Variants in BBOX1 observed in about 807,000 individuals in gnomAD.
The protein encoded by BBOX1 is gamma-butyrobetaine hydroxylase 1.
BBOX1 carries 35 observed loss-of-function variants against 41.6 expected under a neutral mutation model. The ratio of observed to expected loss-of-function variants is 0.84; its 90% CI spans 0.64 to 1.11. The LOEUF is 1.11. Among genes scored for constraint, BBOX1 ranks in the 50% most tolerant of loss-of-function variants. The probability of loss-of-function intolerance (pLI) is 0.00; values close to 1 mark genes in which losing one functional copy is unlikely to be tolerated. For synonymous variants in BBOX1, 163 were observed against 154.7 expected (o/e 1.05, Z -0.40); for missense variants, 458 against 460.6 (o/e 0.99, Z 0.05).
intron 4 of BBOX1, among the ~76,000 whole-genome samples, chr11:27,083,416 C>T (rs1270289584): frequency 6.6e-6 from 1 of 152,070 alleles, no homozygotes; most frequent in Admixed American, 6.6e-5. Context: ...CCACCTTCAT[C>T]TGGTACACGC....
intron 4 of BBOX1, among the ~76,000 whole-genome samples, chr11:27,087,710 G>C (rs893332063): frequency 6.6e-6 from 1 of 151,960 alleles, no homozygotes; most frequent in Non-Finnish European, 1.5e-5. Flanking sequence ...TCACAGCAGC[G>C]TCTGTGAAAG....
chr11:27,126,076 C>T (rs1234587213), intron 8 of BBOX1, among the ~76,000 whole-genome samples: 3 of 152,182 alleles, frequency 2.0e-5, no homozygotes, highest in Non-Finnish European at 2.9e-5. Context: ...GATGCTTACT[C>T]ATTAGGCTTT....
rs766113539 is a variant in BBOX1, at chr11:27,093,181, G to A, written c.348G>A (p.Trp116Ter). 41 of 1,611,732 alleles carry A rather than the reference G, an allele frequency of 2.5e-5. No individual in the cohort carries two copies. The highest frequency in any genetic ancestry group is 4.0e-5 in the African/African-American group (3 of 74,698). Residue 116 changes from tryptophan (W) to a stop codon, truncating the protein, a stop_gained, in exon 5 of 9, where the codon TGG becomes TGA. Coordinates refer to ENST00000263182, the MANE Select transcript of BBOX1 (RefSeq NM_003986.3). LOFTEE classifies it high-confidence loss of function. ...ATCAATTCACAGAATGCCAATACTGGGGCTCAGAGCTCCAGCTACCCACTT... is the reference window on the plus strand; with the variant it reads ...ATCAATTCACAGAATGCCAATACTGAGGCTCAGAGCTCCAGCTACCCACTT... ...RELFFPECQY[W>*]GSELQLPTLD...
chr11:27,067,063 T>G (rs1303045620), intron 4 of BBOX1, among the ~76,000 whole-genome samples: 2 of 152,168 alleles, frequency 1.3e-5, no homozygotes, highest in African/African-American at 4.8e-5. Context: ...AGTATATACT[T>G]AACTTCTCAA....
At chr11:27,066,899 C>A (rs1857304367) in intron 4 of BBOX1, among the ~76,000 whole-genome samples, 1 of 151,998 alleles carries the variant, frequency 6.6e-6, no homozygotes, top group African/African-American at 2.4e-5. Flanking sequence ...TTATATTTTT[C>A]TCAATCAGTA....
intron 7 of BBOX1, among the ~76,000 whole-genome samples, chr11:27,123,088 C>T (rs72878493): frequency 0.052 from 7,871 of 152,122 alleles, 319 homozygotes; most frequent in South Asian, 0.19. Context: ...AATAATGTCC[C>T]CTCTATATCT....
At position 27,119,715 on chromosome 11, in the gene BBOX1, A is replaced by C. The variant is rs572146172; in HGVS notation, c.706A>C (p.Asn236His). ...GGDSEIVDGF[N>H]VCQKLKKNNP... The stretch of plus-strand genomic sequence containing the variant: ...TGATTCAGAAATTGTAGATGGGTTT[A>C]ATGTGTGCCAAAAACTAAAGAAAAA... The change falls in exon 7 of 9, where the codon AAT (asparagine) becomes CAT (histidine). Residue 236 changes from asparagine to histidine, a missense_variant. Physicochemically the swap from Asn to His is moderately conservative, Grantham distance 68. Coordinates refer to ENST00000263182, the MANE Select transcript of BBOX1 (RefSeq NM_003986.3). 8 of 1,604,726 alleles carry C rather than the reference A, an allele frequency of 5.0e-6. No individual in the cohort carries two copies. Among genetic ancestry groups the C allele is most frequent in the Admixed American group, 3.5e-5 (2 of 57,106 alleles).
At chr11:27,116,211 T>C (rs1412429618) in intron 6 of BBOX1, among the ~76,000 whole-genome samples, 1 of 151,690 alleles carries the variant, frequency 6.6e-6, no homozygotes, top group African/African-American at 2.4e-5. Context: ...CTCAGCAAAC[T>C]AACACAGGAA....
intron 6 of BBOX1, among the ~76,000 whole-genome samples, chr11:27,117,299 C>T (rs527244292): frequency 6.6e-6 from 1 of 151,934 alleles, no homozygotes; most frequent in South Asian, 2.1e-4. Context: ...TCTCTGTGCC[C>T]TTATTGTTAC....
chr11:27,069,360 T>C (rs1477495748), intron 4 of BBOX1, among the ~76,000 whole-genome samples: 1 of 147,442 alleles, frequency 6.8e-6, no homozygotes, highest in Non-Finnish European at 1.5e-5. Context: ...GAGTTCATGG[T>C]TTGATTTTCA....
intron 4 of BBOX1, among the ~76,000 whole-genome samples, chr11:27,085,792 G>T (rs1165035211): frequency 6.6e-6 from 1 of 152,114 alleles, no homozygotes; most frequent in Non-Finnish European, 1.5e-5. Context: ...GCACCAGACT[G>T]TCAGCCCAGT....
rs1221822847 is a variant in BBOX1, at chr11:27,117,558, CA to C, written c.639+2004del. Reference sequence around the variant, plus strand: ...AAATTAATCAGCTCAGCTCTTCTTCCAAACATAGCTTGAGGGAGTTGGATGG... The same window carrying C: ...AAATTAATCAGCTCAGCTCTTCTTCCAACATAGCTTGAGGGAGTTGGATGG... On this transcript the variant is annotated intron_variant, in intron 6 of 8. Coordinates refer to ENST00000263182, the MANE Select transcript of BBOX1 (RefSeq NM_003986.3). 4.6e-5 allele frequency among the ~76,000 whole-genome samples: 7 copies of C among 151,990 alleles called. No individual in the cohort carries two copies. The East Asian group carries it at 1.4e-3, about 29-fold the overall frequency.
chr11:27,098,816 T>TAAAA (rs1022036409), intron 5 of BBOX1, among the ~76,000 whole-genome samples: 1 of 151,998 alleles, frequency 6.6e-6, no homozygotes, highest in Non-Finnish European at 1.5e-5. Flanking sequence ...AGTGTCATTT[T>TAAAA]AAAAAATATT....
intron 5 of BBOX1, among the ~76,000 whole-genome samples, chr11:27,109,764 A>G (rs550465694): frequency 2.0e-5 from 3 of 152,120 alleles, no homozygotes; most frequent in African/African-American, 7.2e-5. Context: ...CAAAATGAAC[A>G]TGAAACACTA....
At chr11:27,072,114 A>C (rs1424632869) in intron 4 of BBOX1, among the ~76,000 whole-genome samples, 1 of 152,192 alleles carries the variant, frequency 6.6e-6, no homozygotes, top group East Asian at 1.9e-4. Flanking sequence ...TCAATTAGGA[A>C]AAGAGGAAGT....
intron 4 of BBOX1, among the ~76,000 whole-genome samples, chr11:27,081,291 T>C (rs1857826648): frequency 6.6e-6 from 1 of 152,108 alleles, no homozygotes; most frequent in Non-Finnish European, 1.5e-5. Context: ...GTCATCAGAG[T>C]GACAACATGC....
chr11:27,043,022 A>G (rs903966703), intron 2 of BBOX1, among the ~76,000 whole-genome samples: 1 of 152,172 alleles, frequency 6.6e-6, no homozygotes, highest in Non-Finnish European at 1.5e-5. Flanking sequence ...GTTAATTAAC[A>G]CACAACAATC....
At chr11:27,059,396 G>T (rs1284220750) in intron 4 of BBOX1, among the ~76,000 whole-genome samples, 2 of 152,214 alleles carry the variant, frequency 1.3e-5, no homozygotes, top group African/African-American at 4.8e-5. Flanking sequence ...ATATAAGAAA[G>T]CCTGGGTGCC....
intron 5 of BBOX1, among the ~76,000 whole-genome samples, chr11:27,094,364 A>G (rs1858360221): frequency 6.6e-6 from 1 of 151,884 alleles, no homozygotes; most frequent in African/African-American, 2.4e-5. Context: ...GGACCTTCCA[A>G]CTCCAAAGGT....
Sources: gnomAD v4.1 joint callset for allele counts (sites outside exome capture counted in the v4.1 genomes callset) on GRCh38, gnomAD v4.1.1 for gene constraint, MANE v1.5 for transcripts, NCBI Gene and HGNC (gene_info 2026-07-23, HGNC 2026-07-21) for gene names.